The following SEMA6D variants were observed in gnomAD, a reference collection of about 807,000 sequenced individuals.
SEMA6D encodes semaphorin 6D, also known as semaphorin-6D.
SEMA6D carries 35 observed loss-of-function variants against 106.6 expected under a neutral mutation model. The observed-to-expected ratio is 0.33, with a 90% confidence interval of 0.25 to 0.44. SEMA6D has a LOEUF of 0.44. SEMA6D is among the 20% of genes least tolerant of loss of function. The pLI, the probability that SEMA6D is intolerant of heterozygous loss-of-function variation, is 1.00. For synonymous variants in SEMA6D, 499 were observed against 487.7 expected (o/e 1.02, Z -0.31); for missense variants, 1,185 against 1,345.9 (o/e 0.88, Z 1.87).
intron 2 of SEMA6D, among the ~76,000 whole-genome samples, chr15:47,419,716 A>G (rs1298563731): frequency 1.3e-5 from 2 of 152,144 alleles, no homozygotes; most frequent in African/African-American, 4.8e-5. Flanking sequence ...CAAAAAGGTG[A>G]AAGAGAAGTT....
At chr15:47,362,325 G>T (rs746248393) in intron 1 of SEMA6D, among the ~76,000 whole-genome samples, 1 of 152,160 alleles carries the variant, frequency 6.6e-6, no homozygotes. Flanking sequence ...TGCTAATGGC[G>T]TGCAGTATAA....
chr15:47,450,146 G>A (rs1496917), intron 2 of SEMA6D, among the ~76,000 whole-genome samples: 3 of 151,960 alleles, frequency 2.0e-5, no homozygotes, highest in African/African-American at 7.2e-5. Flanking sequence ...TCCCAAGGTG[G>A]GCTCACATTA....
At chr15:47,201,656 A>G (rs1253154271) in intron 1 of SEMA6D, among the ~76,000 whole-genome samples, 1 of 152,132 alleles carries the variant, frequency 6.6e-6, no homozygotes, top group African/African-American at 2.4e-5. Context: ...CTATACCACT[A>G]CCTCACTGAA....
intron 18 of SEMA6D, among the ~76,000 whole-genome samples, 187 bp from the exon 19 acceptor site, chr15:47,770,310 C>T (rs771250624): frequency 1.3e-5 from 2 of 152,094 alleles, no homozygotes; most frequent in Non-Finnish European, 2.9e-5. Flanking sequence ...TGCAGCAATC[C>T]TGTATGTCTC....
chr15:47,267,081 C>T (rs1156385378), intron 1 of SEMA6D, among the ~76,000 whole-genome samples: 4 of 152,082 alleles, frequency 2.6e-5, no homozygotes, highest in Non-Finnish European at 4.4e-5. Flanking sequence ...TTTTGCTTTA[C>T]GCCTTGGTTG....
intron 3 of SEMA6D, among the ~76,000 whole-genome samples, chr15:47,524,273 C>T (rs2044681370): frequency 1.3e-5 from 2 of 152,170 alleles, no homozygotes; most frequent in African/African-American, 4.8e-5. Context: ...TTAACATGCT[C>T]AGCCTAATCC....
At chr15:47,432,066 G>A (rs2041547877) in intron 2 of SEMA6D, among the ~76,000 whole-genome samples, 1 of 152,082 alleles carries the variant, frequency 6.6e-6, no homozygotes, top group African/African-American at 2.4e-5. Flanking sequence ...AATGTGTGAG[G>A]CACTGAGATC....
chr15:47,526,953 G>T (rs920442269), intron 3 of SEMA6D, among the ~76,000 whole-genome samples: 1 of 152,112 alleles, frequency 6.6e-6, no homozygotes, highest in Admixed American at 6.5e-5. Context: ...TGGTCAGGCT[G>T]ATCTCGAACT....
At chr15:47,273,689 TTA>T (rs2034665742) in intron 1 of SEMA6D, among the ~76,000 whole-genome samples, 1 of 152,210 alleles carries the variant, frequency 6.6e-6, no homozygotes, top group Non-Finnish European at 1.5e-5. Flanking sequence ...TTAGTGAATG[TTA>T]TGTTTCCTAA....
At chr15:47,424,824 G>A (rs1427467194) in intron 2 of SEMA6D, among the ~76,000 whole-genome samples, 5 of 152,102 alleles carry the variant, frequency 3.3e-5, no homozygotes, top group African/African-American at 4.8e-5. Context: ...TAATGTGAAC[G>A]TGTGCATGGG....
chr15:47,593,329 C>T (rs1230570766), intron 3 of SEMA6D, among the ~76,000 whole-genome samples: 3 of 138,582 alleles, frequency 2.2e-5, no homozygotes, highest in African/African-American at 5.4e-5. Context: ...GGCATGGAGC[C>T]GGGAGGCAGA....
At chr15:47,727,566 C>T (rs138881694) in intron 1 of SEMA6D, among the ~76,000 whole-genome samples, 465 of 152,204 alleles carry the variant, frequency 3.1e-3, no homozygotes, top group African/African-American at 0.011. Flanking sequence ...GCCTACGGCA[C>T]GAAGAGAATG....
intron 1 of SEMA6D, among the ~76,000 whole-genome samples, chr15:47,731,363 A>G (rs2080112347): frequency 6.6e-6 from 1 of 151,422 alleles, no homozygotes. Context: ...AATGAGTTTC[A>G]AAGTAGAGAG....
At chr15:47,590,261 T>C (rs2076413724) in intron 3 of SEMA6D, among the ~76,000 whole-genome samples, 1 of 151,710 alleles carries the variant, frequency 6.6e-6, no homozygotes, top group African/African-American at 2.4e-5. Flanking sequence ...ACCGTCATTC[T>C]CAGAAAACTA....
intron 1 of SEMA6D, among the ~76,000 whole-genome samples, chr15:47,235,725 T>C (rs187051461): frequency 5.3e-5 from 8 of 152,260 alleles, no homozygotes; most frequent in African/African-American, 1.7e-4. Flanking sequence ...ACTATAACTT[T>C]GTAGTATAAT....
intron 2 of SEMA6D, among the ~76,000 whole-genome samples, chr15:47,427,358 A>C (rs986134056): frequency 9.2e-5 from 14 of 152,170 alleles, no homozygotes; most frequent in African/African-American, 3.4e-4. Context: ...CTATGCACTC[A>C]TGTACAGTCA....
intron 1 of SEMA6D, among the ~76,000 whole-genome samples, chr15:47,734,882 A>T (rs1365022551): frequency 6.6e-6 from 1 of 152,202 alleles, no homozygotes; most frequent in Non-Finnish European, 1.5e-5. Context: ...GAAATCTTTG[A>T]CTTCTAGCCA....
intron 4 of SEMA6D, among the ~76,000 whole-genome samples, chr15:47,666,565 G>A (rs1242136951): frequency 1.3e-5 from 2 of 152,166 alleles, no homozygotes; most frequent in African/African-American, 2.4e-5. Flanking sequence ...TGTAGGGGGA[G>A]CAAGACAGAC....
At chr15:47,407,069 T>G (rs955408378) in intron 1 of SEMA6D, among the ~76,000 whole-genome samples, 1 of 151,734 alleles carries the variant, frequency 6.6e-6, no homozygotes, top group African/African-American at 2.4e-5. Context: ...GTGAAAATAG[T>G]GAATGTTGTA....
Sources: allele counts gnomAD v4.1 joint callset (sites outside exome capture counted in the v4.1 genomes callset), GRCh38; gene constraint gnomAD v4.1.1; transcripts MANE v1.5; gene names NCBI Gene and HGNC (gene_info 2026-07-23, HGNC 2026-07-21).